The following AXDND1 variants were observed in gnomAD, a reference collection of about 807,000 sequenced individuals.
AXDND1 encodes axonemal dynein light chain domain-containing protein 1.
AXDND1 carries 110 observed loss-of-function variants against 137.5 expected under a neutral mutation model. The observed-to-expected ratio is 0.80, with a 90% CI of 0.69 to 0.94. AXDND1 has a LOEUF of 0.94. Ranked by LOEUF, AXDND1 falls within the 40% of genes least tolerant of loss-of-function variation. The pLI is 0.00. For synonymous variants in AXDND1, 414 were observed against 399.7 expected, an observed-to-expected ratio of 1.04 and a Z score of -0.43; for missense variants, 1,191 against 1,169.8, an observed-to-expected ratio of 1.02 and a Z score of -0.26.
Position 179,525,398 on chromosome 1 carries a change from G to A in AXDND1, c.2561G>A (p.Ser854Asn), listed in dbSNP as rs1237040068. ...DESFKEDEEE[S>N]KEDRKLQEEN... ...TCTTTTAAAGAAGATGAAGAAGAAA[G>A]TAAGGAGGATAGGAAACTTCAGGAG... is the stretch of plus-strand genomic sequence containing the variant. Residue 854 changes from serine (S) to asparagine (N), a missense_variant, in exon 22 of 26, where the codon AGT (serine) becomes AAT (asparagine). Physicochemically the swap from Ser to Asn is conservative, Grantham distance 46 (BLOSUM62 1). Transcript: ENST00000367618. The A allele has an allele frequency of 1.2e-6, 2 of 1,612,348 alleles. No homozygotes were observed. Among genetic ancestry groups the A allele is most frequent in the Middle Eastern group, 1.7e-4 (1 of 6,046 alleles).
intron 16 of AXDND1, 87 bp from the exon 17 acceptor site, chr1:179,468,356 C>T (rs1009621485): frequency 4.4e-6 from 4 of 911,210 alleles, no homozygotes; most frequent in Non-Finnish European, 6.5e-6. Context: ...AAGATAATGC[C>T]CTTGCTCAGT....
intron 8 of AXDND1, among the ~76,000 whole-genome samples, chr1:179,384,878 C>A (rs1354649133): frequency 6.6e-6 from 1 of 152,006 alleles, no homozygotes; most frequent in African/African-American, 2.4e-5. Context: ...ATCCTCCCAC[C>A]TCAGCCTCCC....
intron 12 of AXDND1, among the ~76,000 whole-genome samples, chr1:179,428,882 ATCTAGTTTACTT>A (rs1217092996): frequency 6.6e-6 from 1 of 152,226 alleles, no homozygotes; most frequent in African/African-American, 2.4e-5. Context: ...CACGTGTTAA[ATCTAGTTTACTT>A]TCTGCCGGGC....
At chr1:179,479,408 G>T (rs1665048379) in intron 17 of AXDND1, among the ~76,000 whole-genome samples, 1 of 149,814 alleles carries the variant, frequency 6.7e-6, no homozygotes, top group Admixed American at 6.7e-5. Flanking sequence ...TCAGGAGGCG[G>T]AGATTGTGGT....
intron 17 of AXDND1, among the ~76,000 whole-genome samples, chr1:179,479,507 G>A (rs1467566863): frequency 1.3e-5 from 2 of 151,850 alleles, no homozygotes; most frequent in East Asian, 3.9e-4. Context: ...GCTGGGTGTG[G>A]TGGCTCATGC....
intron 15 of AXDND1, among the ~76,000 whole-genome samples, chr1:179,439,089 C>T (rs1658619727): frequency 6.6e-6 from 1 of 152,120 alleles, no homozygotes; most frequent in South Asian, 2.1e-4. Flanking sequence ...TCATCTTTTC[C>T]ATCTAATTGA....
chr1:179,523,801 G>A (rs1670291004), intron 21 of AXDND1, among the ~76,000 whole-genome samples: 1 of 151,874 alleles, frequency 6.6e-6, no homozygotes. Context: ...AGATTTTGGT[G>A]CACCCATTAC....
intron 9 of AXDND1, among the ~76,000 whole-genome samples, chr1:179,388,654 C>T (rs991567814): frequency 6.6e-6 from 1 of 151,830 alleles, no homozygotes; most frequent in African/African-American, 2.4e-5. Flanking sequence ...GTGGCACGAT[C>T]TTGGCTTACT....
chr1:179,457,415 A>G (rs984614386), intron 16 of AXDND1: 8 of 342,574 alleles, frequency 2.3e-5, no homozygotes, highest in African/African-American at 1.5e-4. Flanking sequence ...TTAAATTTCC[A>G]TTGTGGTTTG....
At chr1:179,449,472 T>C in intron 16 of AXDND1, 1 of 156,894 alleles carries the variant, frequency 6.4e-6, no homozygotes, top group African/African-American at 2.4e-5. Flanking sequence ...TACTTTATTC[T>C]TTTTCATGAT....
chr1:179,491,511 A>T (rs376742583), intron 18 of AXDND1, 27 bp from the exon 19 acceptor site: 14 of 1,451,380 alleles, frequency 9.6e-6, no homozygotes, highest in East Asian at 4.6e-5. Context: ...AAAGTGGGTC[A>T]TTTGTATTAT....
chr1:179,507,489 T>C (rs1350303993), intron 20 of AXDND1, among the ~76,000 whole-genome samples: 3 of 152,166 alleles, frequency 2.0e-5, no homozygotes, highest in African/African-American at 7.2e-5. Context: ...GGTTAAAAAA[T>C]GTATTAGTCA....
intron 17 of AXDND1, among the ~76,000 whole-genome samples, chr1:179,475,466 A>G (rs1664496510): frequency 6.6e-6 from 1 of 152,248 alleles, no homozygotes; most frequent in South Asian, 2.1e-4. Flanking sequence ...TGTGGAATCA[A>G]AAGAGATTAT....
At chr1:179,544,275 G>T (rs752379935) in intron 25 of AXDND1, 5 of 152,114 alleles carry the variant, frequency 3.3e-5, no homozygotes, top group Admixed American at 6.5e-5. Flanking sequence ...TCCTAACAGA[G>T]GTCTGTGAAA....
At chr1:179,432,478 C>A in intron 15 of AXDND1, 136 bp downstream of exon 15, 1 of 1,236,228 alleles carries the variant, frequency 8.1e-7, no homozygotes, top group South Asian at 1.6e-5. Flanking sequence ...CAGGCTGGAG[C>A]GCAGTAGTGT....
rs1248748961 is a variant in AXDND1, at chr1:179,447,996, G to A, written c.1798+2792G>A. On this transcript the variant is annotated intron_variant, in intron 16 of 25. Coordinates refer to ENST00000367618, the MANE Select transcript of AXDND1 (RefSeq NM_144696.6). ...CCAGTGAACTCCCTGGGTTAGTGTA[G>A]GACAAAGCATTGGGGCTTTTCACTG... is the stretch of plus-strand genomic sequence containing the variant. 26 of 1,416,694 alleles carry A rather than the reference G, an allele frequency of 1.8e-5. No homozygotes were observed. In the Admixed American group the frequency reaches 4.2e-4, roughly 23 times the overall value. 87.8% of individuals were successfully genotyped at this position (1,416,694 alleles called of 1,614,324 possible). A position where few individuals can be genotyped will look rare whatever the true frequency, so the allele number is the denominator to read the frequency against.
chr1:179,507,024 C>G lies in AXDND1; in HGVS notation c.2389-2272C>G, dbSNP rs1295092948. On this transcript the variant is annotated intron_variant, in intron 20 of 25. Transcript: ENST00000367618. ...TAGCCAGTGTCTTACTGCTGGTACC[C>G]TATAAAAGACTCTCCTGTGGCCTTC... 3 of 441,416 alleles carry G rather than the reference C, an allele frequency of 6.8e-6. No homozygotes were observed. In the Admixed American group the frequency reaches 1.9e-4, roughly 28 times the overall value. The allele number at this position is 441,416 out of a possible 1,614,324, so 27.3% of individuals were successfully genotyped here.
At chr1:179,435,707 G>C (rs1159512612) in intron 15 of AXDND1, among the ~76,000 whole-genome samples, 2 of 151,978 alleles carry the variant, frequency 1.3e-5, no homozygotes, top group East Asian at 3.9e-4. Flanking sequence ...ATGGATTAAA[G>C]ACTTTAAAAT....
chr1:179,505,488 AC>A (rs1668447129), intron 20 of AXDND1, among the ~76,000 whole-genome samples: 1 of 152,040 alleles, frequency 6.6e-6, no homozygotes, highest in Admixed American at 6.6e-5. Flanking sequence ...CTGTGTCTGT[AC>A]TAAAAATACA....
Sources: allele counts gnomAD v4.1 joint callset (sites outside exome capture counted in the v4.1 genomes callset), GRCh38; gene constraint gnomAD v4.1.1; transcripts MANE v1.5; gene names NCBI Gene and HGNC (gene_info 2026-07-23, HGNC 2026-07-21).